The following PLCB1 variants were observed in gnomAD, a reference collection of about 807,000 sequenced individuals.
The protein encoded by PLCB1 is 1-phosphatidylinositol 4,5-bisphosphate phosphodiesterase beta-1.
PLCB1 carries 46 observed loss-of-function variants against 161.8 expected under a neutral mutation model. The ratio of observed to expected loss-of-function variants is 0.28; its 90% CI spans 0.22 to 0.36. The LOEUF (loss-of-function observed/expected upper bound fraction) is 0.36, where lower values mean the gene tolerates loss of function less well. PLCB1 is among the 10% of genes least tolerant of loss of function. PLCB1 has a pLI of 1.00. For synonymous variants in PLCB1, 517 were observed against 503.7 expected (o/e 1.03, Z -0.35); for missense variants, 1,016 against 1,472.5 (o/e 0.69, Z 5.07).
chr20:8,182,583 CT>C (rs113760426), intron 2 of PLCB1, among the ~76,000 whole-genome samples: 6,188 of 139,106 alleles, frequency 0.044, 357 homozygotes, highest in African/African-American at 0.15. Context: ...TCTTTTTTTT[CT>C]TTTTTTTTTT....
At chr20:8,749,013 T>C (rs1287507759) in intron 23 of PLCB1, among the ~76,000 whole-genome samples, 3 of 152,184 alleles carry the variant, frequency 2.0e-5, no homozygotes, top group Non-Finnish European at 4.4e-5. Context: ...CAGATTCAGA[T>C]TCAGTAGGTC....
chr20:8,740,459 T>A lies in PLCB1; in HGVS notation c.2413+11T>A. On this transcript the variant is annotated intron_variant, in intron 22 of 31. Transcript: ENST00000338037. ...CAGACACATATGCAGGTAAACAACT[T>A]AACTCAAATACCACTTTACTCAAAG... The A allele has an allele frequency of 7.0e-7, 1 of 1,420,290 alleles. No homozygotes were observed. Among genetic ancestry groups the A allele is most frequent in the Non-Finnish European group, 9.7e-7 (1 of 1,030,730 alleles). 88.0% of individuals were successfully genotyped at this position (1,420,290 alleles called of 1,614,324 possible).
At chr20:8,225,586 G>A (rs928068200) in intron 2 of PLCB1, among the ~76,000 whole-genome samples, 4 of 152,296 alleles carry the variant, frequency 2.6e-5, no homozygotes, top group African/African-American at 7.2e-5. Flanking sequence ...TAGCTTCACC[G>A]ACTTTTTCAC....
chr20:8,869,258 T>C (rs1987533358), intron 31 of PLCB1, among the ~76,000 whole-genome samples: 1 of 152,218 alleles, frequency 6.6e-6, no homozygotes, highest in South Asian at 2.1e-4. Flanking sequence ...TTTATCATTT[T>C]TGTACAATCA....
chr20:8,697,354 C>T (rs1990605801), intron 10 of PLCB1, among the ~76,000 whole-genome samples: 1 of 152,040 alleles, frequency 6.6e-6, no homozygotes, highest in Admixed American at 6.6e-5. Flanking sequence ...ATATACAGTC[C>T]AAAAACCTGT....
At chr20:8,620,805 T>A (rs1228598138) in intron 3 of PLCB1, among the ~76,000 whole-genome samples, 7 of 151,514 alleles carry the variant, frequency 4.6e-5, no homozygotes, top group Non-Finnish European at 8.8e-5. Context: ...CTGTCTGCTG[T>A]TTTCCTCCAT....
chr20:8,358,063 G>A (rs1236727571), intron 2 of PLCB1, among the ~76,000 whole-genome samples: 1 of 140,236 alleles, frequency 7.1e-6, no homozygotes, highest in Non-Finnish European at 1.5e-5. Flanking sequence ...TGCCAGGGAG[G>A]TGGCCCTGCC....
At chr20:8,200,271 T>A (rs1323142001) in intron 2 of PLCB1, among the ~76,000 whole-genome samples, 2 of 152,092 alleles carry the variant, frequency 1.3e-5, no homozygotes, top group African/African-American at 4.8e-5. Context: ...CCATTGTTAC[T>A]CTTATGCCAT....
intron 2 of PLCB1, among the ~76,000 whole-genome samples, chr20:8,182,895 C>T (rs73605889): frequency 0.031 from 4,687 of 152,154 alleles, 256 homozygotes; most frequent in African/African-American, 0.11. Context: ...AGTTGATTAT[C>T]TTATTTGCAG....
At chr20:8,142,307 G>C (rs1388272443) in intron 1 of PLCB1, among the ~76,000 whole-genome samples, 1 of 152,182 alleles carries the variant, frequency 6.6e-6, no homozygotes, top group East Asian at 1.9e-4. Flanking sequence ...TGTTACATTG[G>C]TTGGAACACC....
intron 3 of PLCB1, among the ~76,000 whole-genome samples, chr20:8,444,556 A>G (rs1335617829): frequency 6.6e-6 from 1 of 152,192 alleles, no homozygotes; most frequent in Admixed American, 6.5e-5. Context: ...TCCTTTGGGT[A>G]TATACCCAGT....
At chr20:8,713,444 A>C (rs1472088795) in intron 12 of PLCB1, among the ~76,000 whole-genome samples, 2 of 152,068 alleles carry the variant, frequency 1.3e-5, no homozygotes, top group African/African-American at 4.8e-5. Flanking sequence ...CGGCATCCCA[A>C]AGGGCTGGGA....
rs372327328 is a variant in PLCB1, at chr20:8,466,480, T to TA, written c.246+95039dup. Among the ~76,000 whole-genome samples the TA allele has an allele frequency of 8.4e-3, 1,261 of 150,138 alleles. 22 individuals are homozygous for TA. Among genetic ancestry groups the TA allele is most frequent in the African/African-American group, 0.029 (1,170 of 40,838 alleles). ...CTAAAACTTAAAGTGTAATAATAAT[T>TA]AAAAAAAAACAAAAGAGCTGTACAG... is the stretch of plus-strand genomic sequence containing the variant. On this transcript the variant is annotated intron_variant, in intron 3 of 31. Coordinates refer to ENST00000338037, the MANE Select transcript of PLCB1 (RefSeq NM_015192.4).
intron 2 of PLCB1, among the ~76,000 whole-genome samples, chr20:8,189,484 A>G (rs2051942676): frequency 6.6e-6 from 1 of 151,950 alleles, no homozygotes; most frequent in South Asian, 2.1e-4. Flanking sequence ...ACATTTCCAT[A>G]TGAAATTTAT....
chr20:8,290,376 G>C (rs1241179197), intron 2 of PLCB1, among the ~76,000 whole-genome samples: 3 of 152,136 alleles, frequency 2.0e-5, no homozygotes, highest in Non-Finnish European at 2.9e-5. Flanking sequence ...AGCCAAATAG[G>C]GGATGCATTG....
At chr20:8,694,757 G>A (rs950251322) in intron 10 of PLCB1, among the ~76,000 whole-genome samples, 4 of 152,170 alleles carry the variant, frequency 2.6e-5, no homozygotes, top group Non-Finnish European at 5.9e-5. Flanking sequence ...ATGTAATTGT[G>A]TTGATATAGT....
intron 31 of PLCB1, among the ~76,000 whole-genome samples, chr20:8,826,539 C>G (rs2146271418): frequency 6.6e-6 from 1 of 151,918 alleles, no homozygotes; most frequent in South Asian, 2.1e-4. Context: ...CAGATGGAGC[C>G]ATGGAGAGTT....
At chr20:8,641,782 G>A (rs1018670711) in intron 4 of PLCB1, among the ~76,000 whole-genome samples, 9 of 152,154 alleles carry the variant, frequency 5.9e-5, no homozygotes, top group South Asian at 2.1e-4. Context: ...GGAAGAACCC[G>A]TCAGTAAGGA....
At chr20:8,442,621 T>C (rs112884894) in intron 3 of PLCB1, among the ~76,000 whole-genome samples, 10 of 152,348 alleles carry the variant, frequency 6.6e-5, no homozygotes, top group African/African-American at 2.4e-4. Flanking sequence ...TGAATATCTG[T>C]AACAAAGGGT....
Sources: gnomAD v4.1 joint callset for allele counts (sites outside exome capture counted in the v4.1 genomes callset) on GRCh38, gnomAD v4.1.1 for gene constraint, MANE v1.5 for transcripts, NCBI Gene and HGNC (gene_info 2026-07-23, HGNC 2026-07-21) for gene names.